The following HEMK2 variants were observed in gnomAD, a reference collection of about 807,000 sequenced individuals.
HEMK2 encodes the protein methyltransferase HEMK2.
the HEMK2 span, among the ~76,000 whole-genome samples, chr21:28,863,430 A>G: frequency 2.0e-5 from 1 of 50,634 alleles, no homozygotes; most frequent in Admixed American, 1.9e-4. Context: ...ATATATATAT[A>G]TATATATATA....
At chr21:28,751,430 A>G in the HEMK2 span, among the ~76,000 whole-genome samples, 2 of 152,182 alleles carry the variant, frequency 1.3e-5, no homozygotes, top group African/African-American at 2.4e-5. Flanking sequence ...AACTTTGTTG[A>G]GCTTAGAATT....
At chr21:28,693,030 T>A in the HEMK2 span, among the ~76,000 whole-genome samples, 7 of 152,098 alleles carry the variant, frequency 4.6e-5, no homozygotes, top group Non-Finnish European at 8.8e-5. Flanking sequence ...TAATTAGTAC[T>A]GGGTTTCTTT....
the HEMK2 span, among the ~76,000 whole-genome samples, chr21:28,631,100 T>C: frequency 6.6e-6 from 1 of 151,894 alleles, no homozygotes; most frequent in African/African-American, 2.4e-5. Context: ...CAGAGGAAAA[T>C]TTAGATATTC....
the HEMK2 span, among the ~76,000 whole-genome samples, chr21:28,756,570 C>T: frequency 6.6e-6 from 1 of 152,182 alleles, no homozygotes; most frequent in Admixed American, 6.5e-5. Flanking sequence ...ATTCTCCAAA[C>T]AACCTTGTGA....
chr21:28,810,822 T>C, the HEMK2 span, among the ~76,000 whole-genome samples: 7 of 152,214 alleles, frequency 4.6e-5, no homozygotes, highest in Admixed American at 3.9e-4. Flanking sequence ...CATTCTGTGT[T>C]CTGCCAGTCC....
the HEMK2 span, among the ~76,000 whole-genome samples, chr21:28,818,639 A>G: frequency 1.3e-5 from 2 of 152,246 alleles, no homozygotes; most frequent in South Asian, 2.1e-4. Flanking sequence ...TATCTTAGAA[A>G]GCTGCAGGGA....
At chr21:28,746,801 G>A in the HEMK2 span, among the ~76,000 whole-genome samples, 18 of 152,296 alleles carry the variant, frequency 1.2e-4, no homozygotes, top group African/African-American at 4.1e-4. Flanking sequence ...CCATTGGCAG[G>A]GGTGAGAAGG....
chr21:28,618,950 G>A, the HEMK2 span, among the ~76,000 whole-genome samples: 11 of 152,236 alleles, frequency 7.2e-5, no homozygotes, highest in South Asian at 2.1e-4. Context: ...GTACCTCACC[G>A]TATGACTGTA....
At chr21:28,767,667 C>T in the HEMK2 span, among the ~76,000 whole-genome samples, 1 of 151,994 alleles carries the variant, frequency 6.6e-6, no homozygotes, top group Non-Finnish European at 1.5e-5. Context: ...CACACAGAGC[C>T]GAGAGGAGCA....
At chr21:28,692,345 CAATT>C in the HEMK2 span, among the ~76,000 whole-genome samples, 1 of 151,882 alleles carries the variant, frequency 6.6e-6, no homozygotes, top group Non-Finnish European at 1.5e-5. Flanking sequence ...TCAAGAAATG[CAATT>C]AATAGTGTAC....
At chr21:28,819,341 T>C in the HEMK2 span, among the ~76,000 whole-genome samples, 1 of 151,846 alleles carries the variant, frequency 6.6e-6, no homozygotes, top group African/African-American at 2.4e-5. Context: ...CATTCATGTG[T>C]TTATACATAT....
chr21:28,754,173 T>C, the HEMK2 span, among the ~76,000 whole-genome samples: 27,151 of 152,170 alleles, frequency 0.18, 2,845 homozygotes, highest in African/African-American at 0.29. Flanking sequence ...GTTGAGTATA[T>C]AACCTCATGA....
At chr21:28,593,648 G>A in the HEMK2 span, among the ~76,000 whole-genome samples, 2 of 152,164 alleles carry the variant, frequency 1.3e-5, no homozygotes, top group African/African-American at 4.8e-5. Context: ...GATAATGAAT[G>A]TATGTCAAAG....
At chr21:28,593,319 C>A in the HEMK2 span, among the ~76,000 whole-genome samples, 2 of 152,146 alleles carry the variant, frequency 1.3e-5, no homozygotes, top group African/African-American at 2.4e-5. Context: ...TATGTGCATG[C>A]AAATATTCTA....
the HEMK2 span, among the ~76,000 whole-genome samples, chr21:28,807,842 G>A: frequency 2.0e-5 from 3 of 152,202 alleles, no homozygotes; most frequent in East Asian, 5.8e-4. Context: ...TGAAAATTCA[G>A]GAAAACTAAT....
the HEMK2 span, among the ~76,000 whole-genome samples, chr21:28,782,871 T>A: frequency 4.6e-5 from 7 of 152,370 alleles, no homozygotes; most frequent in East Asian, 1.3e-3. Flanking sequence ...TCAGTGGTTA[T>A]ATCTCAATAA....
At chr21:28,577,989 T>C in the HEMK2 span, among the ~76,000 whole-genome samples, 7 of 152,330 alleles carry the variant, frequency 4.6e-5, no homozygotes, top group South Asian at 1.4e-3. Context: ...GCTAAAACAA[T>C]TTTTTCAAAA....
chr21:28,656,988 A>G, the HEMK2 span, among the ~76,000 whole-genome samples: 2,614 of 152,238 alleles, frequency 0.017, 75 homozygotes, highest in African/African-American at 0.058. Context: ...GTAAGTGCTC[A>G]ACAAGTAATT....
the HEMK2 span, among the ~76,000 whole-genome samples, chr21:28,834,362 C>A: frequency 2.6e-5 from 4 of 152,134 alleles, no homozygotes; most frequent in African/African-American, 7.2e-5. Context: ...AAATGGAGAC[C>A]CTCCTTTCCT....
Sources: gnomAD v4.1 joint callset for allele counts (sites outside exome capture counted in the v4.1 genomes callset) on GRCh38, gnomAD v4.1.1 for gene constraint, MANE v1.5 for transcripts, NCBI Gene and HGNC (gene_info 2026-07-23, HGNC 2026-07-21) for gene names.